STK11: variants seen among roughly 807,000 people sequenced by gnomAD.
STK11 encodes serine/threonine kinase 11.
In STK11, 8 loss-of-function variants were observed where a neutral mutation model predicts 47.3. The ratio of observed to expected loss-of-function variants is 0.17; its 90% CI spans 0.10 to 0.31. The LOEUF (loss-of-function observed/expected upper bound fraction) is 0.31. Ranked by LOEUF, STK11 falls within the 10% of genes least tolerant of loss-of-function variation. The probability of loss-of-function intolerance (pLI) is 1.00; values close to 1 mark genes in which losing one functional copy is unlikely to be tolerated. For synonymous variants in STK11, 330 were observed against 255.8 expected, an observed-to-expected ratio of 1.29 and a Z score of -2.77; for missense variants, 475 against 605.0, an observed-to-expected ratio of 0.79 and a Z score of 2.25.
rs61525470 is a variant in STK11 at position 1,208,306 on chromosome 19, AT to A, written c.290+1122del. Among the ~76,000 whole-genome samples the A allele has an allele frequency of 2.9e-3, 334 of 115,952 alleles. 1 individual carries two copies. Among genetic ancestry groups the A allele is most frequent in the African/African-American group, 3.5e-3 (106 of 30,662 alleles). The allele number at this position is 115,952 out of a possible 152,430, so 76.1% of individuals were successfully genotyped here. A position where few individuals can be genotyped will look rare whatever the true frequency, so the allele number is the denominator to read the frequency against. Reference sequence around the variant, plus strand: ...CTCAGGGGCCCTGGGGCTCACGTACATTTTTTTTTTTTTTTTTTTGAGACGG... The same window carrying A: ...CTCAGGGGCCCTGGGGCTCACGTACATTTTTTTTTTTTTTTTTTGAGACGG... On this transcript the variant is annotated intron_variant, in intron 1 of 9. Coordinates refer to ENST00000326873, the MANE Select transcript of STK11 (RefSeq NM_000455.5).
Position 1,226,656 on chromosome 19 carries a change from G to A in STK11, c.*9G>A, listed in dbSNP as rs1057522868. 9 of 1,511,712 alleles carry A rather than the reference G, an allele frequency of 6.0e-6. No individual in the cohort carries two copies. The highest frequency in any genetic ancestry group is 2.2e-5 in the Admixed American group (1 of 44,786). 93.6% of individuals were successfully genotyped at this position (1,511,712 alleles called of 1,614,324 possible). ...CCTGCAAGCAGCAGTGAGGCTGGCCGCCTGCAGGTGGGGCGCGGCGGGGCC... is the reference window on the plus strand; with the variant it reads ...CCTGCAAGCAGCAGTGAGGCTGGCCACCTGCAGGTGGGGCGCGGCGGGGCC... On this transcript the variant is annotated 3_prime_UTR_variant, in exon 9 of 10. Transcript: ENST00000326873.
At chr19:1,215,097 G>C (rs563739837) in intron 1 of STK11, among the ~76,000 whole-genome samples, 3 of 152,194 alleles carry the variant, frequency 2.0e-5, no homozygotes, top group Admixed American at 6.5e-5. Context: ...GGGCTGAGCC[G>C]GGCCTCTCGG....
intron 1 of STK11, among the ~76,000 whole-genome samples, chr19:1,208,435 G>C (rs1222413304): frequency 2.0e-5 from 3 of 150,734 alleles, no homozygotes; most frequent in African/African-American, 4.9e-5. Flanking sequence ...AGCCTCCCGA[G>C]TAGCTGGGAC....
chr19:1,209,549 T>G (rs1198595686), intron 1 of STK11, among the ~76,000 whole-genome samples: 2 of 151,872 alleles, frequency 1.3e-5, no homozygotes, highest in African/African-American at 4.8e-5. Flanking sequence ...ACCATTGCGC[T>G]CCAGCCTGGG....
rs587780719 is a variant in STK11, at chr19:1,220,460, C to T, written c.552C>T (p.Leu184=). The change falls in exon 4 of 10, where the codon CTC becomes CTT. Residue 184 remains leucine (L), a synonymous_variant. Coordinates refer to ENST00000326873, the MANE Select transcript of STK11 (RefSeq NM_000455.5). ...HKDIKPGNLL[L]TTGGTLKISD... ...ACATCAAGCCGGGGAACCTGCTGCT[C>T]ACCACCGGTGGCACCCTCAAAATCT... is the stretch of plus-strand genomic sequence containing the variant. 1.2e-5 allele frequency: 19 copies of T among 1,607,200 alleles called. No individual in the cohort carries two copies. The highest frequency in any genetic ancestry group is 2.7e-5 in the African/African-American group (2 of 74,832).
chr19:1,227,554 G>C lies in STK11; in HGVS notation c.*17-39G>C. The C allele has an allele frequency of 3.8e-6, 4 of 1,062,992 alleles. 1 individual carries two copies. The East Asian group carries it at 1.5e-4, about 40-fold the overall frequency. The allele number at this position is 1,062,992 out of a possible 1,614,324, so 65.8% of individuals were successfully genotyped here. A position where few individuals can be genotyped will look rare whatever the true frequency, so the allele number is the denominator to read the frequency against. ...GGCCCGCGGGAGGCGGAGAACCGGT[G>C]CCCAGGCTGACCTCTTCCGTCTTCC... is the stretch of plus-strand genomic sequence containing the variant. On this transcript the variant is annotated intron_variant, in intron 9 of 9. Transcript: ENST00000326873.
chr19:1,213,136 A>C (rs1245159341), intron 1 of STK11, among the ~76,000 whole-genome samples: 2 of 150,750 alleles, frequency 1.3e-5, no homozygotes, highest in Non-Finnish European at 2.9e-5. Context: ...AGCTGGGACT[A>C]CAGGCGCCTG....
At chr19:1,214,599 C>G (rs981679210) in intron 1 of STK11, among the ~76,000 whole-genome samples, 1 of 152,172 alleles carries the variant, frequency 6.6e-6, no homozygotes, top group African/African-American at 2.4e-5. Context: ...AGTCCTCCAC[C>G]CTCATTTGCT....
At chr19:1,219,690 C>T (rs71337007) in intron 3 of STK11, among the ~76,000 whole-genome samples, 100 of 152,150 alleles carry the variant, frequency 6.6e-4, no homozygotes, top group Non-Finnish European at 4.7e-4. Context: ...GGATTACAGG[C>T]GCCCGCCACC....
At chr19:1,208,601 T>G (rs1388929160) in intron 1 of STK11, among the ~76,000 whole-genome samples, 2 of 112,854 alleles carry the variant, frequency 1.8e-5, no homozygotes, top group East Asian at 2.9e-4. Flanking sequence ...AGTCAACGCG[T>G]GCGGCCTTTT....
In STK11 at chr19:1,227,667, A is replaced by G. The variant is rs565181793; in HGVS notation, c.*91A>G. On this transcript the variant is annotated 3_prime_UTR_variant, in exon 10 of 10. Transcript: ENST00000326873. ...CTGCCGGTTCCGCCCGCCCTCCCGG[A>G]GAGGTGGCCGCCATGCTTCTGTGCC... 3.7e-6 allele frequency: 4 copies of G among 1,068,784 alleles called. No homozygotes were observed. In the South Asian group the frequency reaches 1.8e-4, roughly 49 times the overall value. The allele number at this position is 1,068,784 out of a possible 1,614,324, so 66.2% of individuals were successfully genotyped here. A position where few individuals can be genotyped will look rare whatever the true frequency, so the allele number is the denominator to read the frequency against.
At chr19:1,220,748 A>C (rs2080777645) in intron 5 of STK11, 31 bp downstream of exon 5, 1 of 1,590,944 alleles carries the variant, frequency 6.3e-7, no homozygotes. Flanking sequence ...GGCACTCACC[A>C]CACGCACACT....
chr19:1,212,273 C>CTTTTTTT (rs775284754), intron 1 of STK11, among the ~76,000 whole-genome samples: 2 of 89,836 alleles, frequency 2.2e-5, no homozygotes, highest in Non-Finnish European at 4.0e-5. Context: ...TTCTTAACAC[C>CTTTTTTT]TTTTTTTTTT....
intron 8 of STK11, chr19:1,225,070 C>T (rs536417323): frequency 1.3e-4 from 132 of 985,882 alleles, no homozygotes; most frequent in Non-Finnish European, 1.5e-4. Context: ...CTGCCAACAC[C>T]CAGATCCCAG....
At position 1,223,640 on chromosome 19, in the gene STK11, G is replaced by A. The variant is rs1599929923; in HGVS notation, c.1108+468G>A. ...TGCCGGCCGCCCTTCTTCCCTAGGT[G>A]GCGAGGAGGCGTCTGAGGCAGGGCT... On this transcript the variant is annotated intron_variant, in intron 8 of 9. Transcript: ENST00000326873. 5.6e-6 allele frequency: 6 copies of A among 1,067,284 alleles called. No individual in the cohort carries two copies. In the East Asian group the frequency reaches 3.2e-4, roughly 57 times the overall value. 66.1% of individuals were successfully genotyped at this position (1,067,284 alleles called of 1,614,324 possible).
At chr19:1,213,328 G>A (rs1478396952) in intron 1 of STK11, among the ~76,000 whole-genome samples, 1 of 152,082 alleles carries the variant, frequency 6.6e-6, no homozygotes, top group Non-Finnish European at 1.5e-5. Flanking sequence ...GTAATTCAGT[G>A]GCATATAGTA....
intron 6 of STK11, chr19:1,221,693 C>G: frequency 1.7e-6 from 1 of 594,130 alleles, no homozygotes; most frequent in East Asian, 2.8e-5. Context: ...TCCATCTGCC[C>G]AGTGGCCTTG....
chr19:1,224,350 G>C, intron 8 of STK11: 1 of 985,352 alleles, frequency 1.0e-6, no homozygotes, highest in South Asian at 4.7e-5. Context: ...TGTTGGAACG[G>C]GAGGTGCTGC....
intron 5 of STK11, 150 bp downstream of exon 5, chr19:1,220,867 A>C (rs1166845421): frequency 7.9e-7 from 1 of 1,259,594 alleles, no homozygotes; most frequent in Admixed American, 2.7e-5. Context: ...ACTTTATGGA[A>C]ATGTAACTCA....
Sources: allele counts gnomAD v4.1 joint callset (sites outside exome capture counted in the v4.1 genomes callset), GRCh38; gene constraint gnomAD v4.1.1; transcripts MANE v1.5; gene names NCBI Gene and HGNC (gene_info 2026-07-23, HGNC 2026-07-21).